INPP4B: variants seen among roughly 807,000 people sequenced by gnomAD.
INPP4B encodes inositol polyphosphate-4-phosphatase type II B.
INPP4B carries 55 observed loss-of-function variants against 122.5 expected under a neutral mutation model. That is an observed-to-expected ratio of 0.45 (90% CI 0.36 to 0.56). The LOEUF (loss-of-function observed/expected upper bound fraction) is 0.56. INPP4B is among the 20% of genes least tolerant of loss of function. The pLI is 0.00. For synonymous variants in INPP4B, 403 were observed against 388.7 expected (o/e 1.04, Z -0.43); for missense variants, 1,000 against 1,097.7 (o/e 0.91, Z 1.26).
intron 12 of INPP4B, among the ~76,000 whole-genome samples, chr4:142,221,389 CAAAAA>C (rs570703001): frequency 3.5e-5 from 1 of 28,552 alleles, no homozygotes; most frequent in African/African-American, 1.5e-4. Flanking sequence ...GACTCCTTCT[CAAAAA>C]AAAAAAAAAA....
chr4:142,206,984 C>T (rs986886461), intron 14 of INPP4B, among the ~76,000 whole-genome samples: 4 of 152,044 alleles, frequency 2.6e-5, no homozygotes, highest in African/African-American at 9.7e-5. Context: ...CTGGAAACCA[C>T]CATTATACTC....
chr4:142,163,629 G>C (rs780414229), intron 16 of INPP4B, among the ~76,000 whole-genome samples: 1 of 151,818 alleles, frequency 6.6e-6, no homozygotes, highest in Non-Finnish European at 1.5e-5. Flanking sequence ...GTCTCTTACT[G>C]TGCCTAATTT....
At chr4:142,050,089 T>C (rs1289670873) in intron 25 of INPP4B, among the ~76,000 whole-genome samples, 2 of 152,040 alleles carry the variant, frequency 1.3e-5, no homozygotes, top group Non-Finnish European at 1.5e-5. Context: ...TTACTATTGT[T>C]AGGCTCCCGC....
intron 2 of INPP4B, among the ~76,000 whole-genome samples, chr4:142,465,541 A>C (rs1817604192): frequency 6.6e-6 from 1 of 152,234 alleles, no homozygotes; most frequent in Non-Finnish European, 1.5e-5. Context: ...AATGCAGAAT[A>C]TTCCAAAAAA....
intron 19 of INPP4B, 128 bp from the exon 20 acceptor site, chr4:142,123,543 T>C: frequency 1.2e-6 from 1 of 830,360 alleles, no homozygotes; most frequent in Non-Finnish European, 1.8e-6. Context: ...CTACAACTAT[T>C]TGGTAGGCAT....
intron 2 of INPP4B, among the ~76,000 whole-genome samples, chr4:142,700,436 C>T (rs1761584474): frequency 1.3e-5 from 2 of 152,124 alleles, no homozygotes; most frequent in Non-Finnish European, 1.5e-5. Flanking sequence ...ATTCCTTCAA[C>T]TCAATCTATA....
In INPP4B at chr4:142,152,066, C is replaced by CTTTTTTTTTTTTTT. The variant is rs572092121; in HGVS notation, c.1564-6084_1564-6071dup. The stretch of plus-strand genomic sequence containing the variant: ...TGCCTAACATGCTTTTTTGTCTTTT[C>CTTTTTTTTTTTTTT]TTTTTTTTTTTTTTTTTTTTTTTTT... On this transcript the variant is annotated intron_variant, in intron 17 of 25. Transcript: ENST00000262992. Among the ~76,000 whole-genome samples, 123 of 69,940 alleles carry CTTTTTTTTTTTTTT rather than the reference C, an allele frequency of 1.8e-3. 14 individuals carry two copies. The highest frequency in any genetic ancestry group is 6.7e-3 in the African/African-American group (120 of 17,990). The allele number at this position is 69,940 out of a possible 152,430, so 45.9% of individuals were successfully genotyped here.
At chr4:142,613,205 G>GA (rs1404998616) in intron 2 of INPP4B, among the ~76,000 whole-genome samples, 1 of 152,136 alleles carries the variant, frequency 6.6e-6, no homozygotes, top group Non-Finnish European at 1.5e-5. Context: ...ATTTCACATG[G>GA]AAAAGAGATA....
At chr4:142,661,590 C>T (rs554477649) in intron 2 of INPP4B, among the ~76,000 whole-genome samples, 1 of 152,298 alleles carries the variant, frequency 6.6e-6, no homozygotes, top group Admixed American at 6.5e-5. Flanking sequence ...CTGTGGACTT[C>T]TAAATTTAGC....
intron 12 of INPP4B, among the ~76,000 whole-genome samples, chr4:142,236,100 T>C (rs555091524): frequency 4.9e-4 from 75 of 152,348 alleles, no homozygotes; most frequent in Middle Eastern, 6.8e-3. Context: ...AGGTCCTGCC[T>C]GGAATCTCAT....
At chr4:142,641,796 C>T (rs1367433624) in intron 2 of INPP4B, among the ~76,000 whole-genome samples, 6 of 152,160 alleles carry the variant, frequency 3.9e-5, no homozygotes, top group East Asian at 1.9e-4. Flanking sequence ...AATGATTTGG[C>T]TGTGTCAAAT....
rs140724729 is a variant in INPP4B at position 142,208,941 on chromosome 4, C to A, written c.922G>T (p.Val308Leu). The change falls in exon 13 of 26, where the codon GTG (valine) becomes TTG (leucine). Residue 308 changes from valine to leucine, a missense_variant. Val to Leu is a conservative substitution (Grantham distance 32, BLOSUM62 1). Coordinates refer to ENST00000262992, the MANE Select transcript of INPP4B (RefSeq NM_001101669.3). ...GTCAGAATGTCTTGGTACATATTCA[C>A]CATTTGATCACAGTGAGTAAGGACA... is the stretch of plus-strand genomic sequence containing the variant. ...KNVLTHCDQM[V>L]NMYQDILTEL... 2 of 1,602,550 alleles carry A rather than the reference C, an allele frequency of 1.2e-6. No homozygotes were observed. Among genetic ancestry groups the A allele is most frequent in the African/African-American group, 2.7e-5 (2 of 74,710 alleles).
chr4:142,071,530 A>G (rs1767320375), intron 25 of INPP4B, among the ~76,000 whole-genome samples: 1 of 152,204 alleles, frequency 6.6e-6, no homozygotes, highest in Admixed American at 6.5e-5. Context: ...AAAAGAAACT[A>G]CCATCAGAGT....
chr4:142,043,438 T>C (rs1401241383), intron 25 of INPP4B, among the ~76,000 whole-genome samples: 1 of 152,166 alleles, frequency 6.6e-6, no homozygotes, highest in Admixed American at 6.5e-5. Context: ...TCTACAAAGA[T>C]TCAAATACCA....
At chr4:142,739,850 C>G (rs1426190718) in intron 1 of INPP4B, among the ~76,000 whole-genome samples, 3 of 152,016 alleles carry the variant, frequency 2.0e-5, no homozygotes, top group Non-Finnish European at 2.9e-5. Flanking sequence ...AGCCTTTGCT[C>G]AAACTAATCA....
intron 2 of INPP4B, among the ~76,000 whole-genome samples, chr4:142,641,710 T>G (rs570732136): frequency 2.0e-5 from 3 of 152,262 alleles, no homozygotes; most frequent in African/African-American, 7.2e-5. Context: ...CTATTGTGAG[T>G]AGTGCTGCAA....
intron 2 of INPP4B, among the ~76,000 whole-genome samples, chr4:142,573,079 A>T (rs1053806436): frequency 5.3e-5 from 8 of 152,020 alleles, no homozygotes; most frequent in African/African-American, 1.7e-4. Flanking sequence ...GAAACTTATA[A>T]TCATGGCAGA....
rs1578654808 is a variant in INPP4B at position 142,028,095 on chromosome 4, A to C, written c.*687T>G. ...TTAAACGTTCTATATTGCTACATTC[A>C]CAGCTAGATCACACAACCCAAGTCA... On this transcript the variant is annotated 3_prime_UTR_variant, in exon 26 of 26. Coordinates refer to ENST00000262992, the MANE Select transcript of INPP4B (RefSeq NM_001101669.3). 8.8e-6 allele frequency: 2 copies of C among 227,876 alleles called. No homozygotes were observed. The highest frequency in any genetic ancestry group is 1.3e-4 in the East Asian group (2 of 15,924). 14.1% of individuals were successfully genotyped at this position (227,876 alleles called of 1,614,324 possible). A position where few individuals can be genotyped will look rare whatever the true frequency, so the allele number is the denominator to read the frequency against.
At position 142,029,225 on chromosome 4, in the gene INPP4B, T is replaced by TATAAC. The variant is rs1738272015; in HGVS notation, c.2643-316_2643-312dup. Reference sequence around the variant, plus strand: ...AGTTTCATAAATATATCTGCCTTTTTATAACATTTCCACAAATTAATTTCT... The same window carrying TATAAC: ...AGTTTCATAAATATATCTGCCTTTTTATAACATAACATTTCCACAAATTAATTTCT... On this transcript the variant is annotated intron_variant, in intron 25 of 25. Coordinates refer to ENST00000262992, the MANE Select transcript of INPP4B (RefSeq NM_001101669.3). The TATAAC allele has an allele frequency of 4.8e-6, 5 of 1,031,772 alleles. No homozygotes were observed. The South Asian group carries it at 1.3e-4, about 27-fold the overall frequency. 63.9% of individuals were successfully genotyped at this position (1,031,772 alleles called of 1,614,324 possible).
Sources: allele counts gnomAD v4.1 joint callset (sites outside exome capture counted in the v4.1 genomes callset), GRCh38; gene constraint gnomAD v4.1.1; transcripts MANE v1.5; gene names NCBI Gene and HGNC (gene_info 2026-07-23, HGNC 2026-07-21).